The following RPS6KC1 variants were observed in gnomAD, a reference collection of about 807,000 sequenced individuals.
RPS6KC1 encodes the protein inactive ribosomal protein S6 kinase delta-1.
In RPS6KC1, 54 loss-of-function variants were observed where a neutral mutation model predicts 103.8. The observed-to-expected ratio is 0.52, with a 90% CI of 0.42 to 0.65. The LOEUF (loss-of-function observed/expected upper bound fraction) is 0.65, where lower values mean the gene tolerates loss of function less well. RPS6KC1 is among the 30% of genes least tolerant of loss of function. RPS6KC1 has a pLI of 0.00. For missense variants in RPS6KC1, 1,151 were observed against 1,253.8 expected, an observed-to-expected ratio of 0.92 and a Z score of 1.24; for synonymous variants, 439 against 438.7, an observed-to-expected ratio of 1.00 and a Z score of -0.01.
intron 14 of RPS6KC1, among the ~76,000 whole-genome samples, chr1:213,271,693 G>A (rs368874412): frequency 6.6e-6 from 1 of 151,424 alleles, no homozygotes; most frequent in East Asian, 1.9e-4. Flanking sequence ...GAACCCGGGA[G>A]GCGGAGCTTG....
intron 6 of RPS6KC1, among the ~76,000 whole-genome samples, chr1:213,149,320 C>T (rs567592130): frequency 1.6e-4 from 25 of 152,206 alleles, no homozygotes; most frequent in African/African-American, 5.3e-4. Context: ...TTGCTTTTGC[C>T]GTATCCCATA....
chr1:213,129,566 A>G lies in RPS6KC1; in HGVS notation c.512A>G (p.Asp171Gly). ...SDSDLVSLTV[D>G]VDSLAELDDG... Reference sequence around the variant, plus strand: ...AGTGATCTGGTATCTCTTACTGTTGATGTGGATTCTCTTGCTGAGTTAGAT... The same window carrying G: ...AGTGATCTGGTATCTCTTACTGTTGGTGTGGATTCTCTTGCTGAGTTAGAT... The change falls in exon 6 of 15, where the codon GAT becomes GGT. Residue 171 changes from aspartate to glycine, a missense_variant. Physicochemically the swap from Asp to Gly is moderately conservative, Grantham distance 94 (BLOSUM62 -1). Around this residue, in one of 3 missense-constraint regions of RPS6KC1, gnomAD observed 959 missense variants for 1,006.3 expected, o/e 0.95. Coordinates refer to ENST00000366960, the MANE Select transcript of RPS6KC1 (RefSeq NM_012424.6). The G allele has an allele frequency of 1.2e-6, 2 of 1,613,222 alleles. No homozygotes were observed. The highest frequency in any genetic ancestry group is 1.7e-6 in the Non-Finnish European group (2 of 1,179,426).
the RPS6KC1 span, among the ~76,000 whole-genome samples, chr1:213,374,074 G>A: frequency 6.6e-6 from 1 of 152,198 alleles, no homozygotes; most frequent in Non-Finnish European, 1.5e-5. Context: ...CATAAAGCCA[G>A]GATCTTGTAA....
the RPS6KC1 span, among the ~76,000 whole-genome samples, chr1:213,859,112 T>G: frequency 2.6e-5 from 4 of 152,292 alleles, no homozygotes; most frequent in South Asian, 8.3e-4. Context: ...CTTGGAAATA[T>G]TTTTGAAATT....
At chr1:213,581,288 T>C in the RPS6KC1 span, among the ~76,000 whole-genome samples, 1 of 152,108 alleles carries the variant, frequency 6.6e-6, no homozygotes, top group Non-Finnish European at 1.5e-5. Flanking sequence ...TCCCCCTTTT[T>C]ACTCCCCATT....
At chr1:213,357,438 G>A in the RPS6KC1 span, among the ~76,000 whole-genome samples, 3 of 152,234 alleles carry the variant, frequency 2.0e-5, no homozygotes, top group Non-Finnish European at 4.4e-5. Flanking sequence ...GCAAATTGGA[G>A]CTGGCTTCTG....
rs570614533 is a variant in RPS6KC1, at chr1:213,053,422, C to G, written c.105+1913C>G. Among the ~76,000 whole-genome samples, 18 of 152,308 alleles carry G rather than the reference C, an allele frequency of 1.2e-4. No individual in the cohort carries two copies. The South Asian group carries it at 3.5e-3, about 30-fold the overall frequency. ...CTGAAAAACATTGTTGAATGTTTTC[C>G]TCTTCATTGTACGGAGCACACCCAA... On this transcript the variant is annotated intron_variant, in intron 1 of 14. Transcript: ENST00000366960.
the RPS6KC1 span, among the ~76,000 whole-genome samples, chr1:213,612,423 G>A: frequency 9.9e-5 from 15 of 152,176 alleles, no homozygotes; most frequent in Admixed American, 7.9e-4. Flanking sequence ...TAAGAGCCGA[G>A]GGCCTGAAAT....
the RPS6KC1 span, among the ~76,000 whole-genome samples, chr1:213,469,495 A>G: frequency 6.6e-6 from 1 of 152,160 alleles, no homozygotes; most frequent in East Asian, 1.9e-4. Flanking sequence ...GGTAGGAAAG[A>G]GGTGCCCAGG....
intron 8 of RPS6KC1, among the ~76,000 whole-genome samples, chr1:213,203,093 A>T (rs190672451): frequency 2.0e-4 from 31 of 152,260 alleles, no homozygotes; most frequent in Non-Finnish European, 3.4e-4. Context: ...ACAGTGTTTT[A>T]AACTCCTACT....
At chr1:213,247,692 TTAACAG>T (rs974311876) in intron 12 of RPS6KC1, among the ~76,000 whole-genome samples, 12 of 152,162 alleles carry the variant, frequency 7.9e-5, no homozygotes, top group Non-Finnish European at 1.5e-4. Flanking sequence ...AGGCCTCAGT[TTAACAG>T]TAGTAAAATA....
At chr1:213,537,252 C>A in the RPS6KC1 span, among the ~76,000 whole-genome samples, 1 of 152,110 alleles carries the variant, frequency 6.6e-6, no homozygotes, top group Non-Finnish European at 1.5e-5. Context: ...CTCCTGAATT[C>A]CCTAGTTTGG....
At chr1:213,832,880 TACTA>T in the RPS6KC1 span, among the ~76,000 whole-genome samples, 1 of 152,188 alleles carries the variant, frequency 6.6e-6, no homozygotes, top group East Asian at 1.9e-4. Context: ...TACAGACTGC[TACTA>T]ACTGAGGCCT....
At chr1:213,734,905 TTG>T in the RPS6KC1 span, among the ~76,000 whole-genome samples, 1 of 8,414 alleles carries the variant, frequency 1.2e-4, no homozygotes, top group African/African-American at 1.0e-3. Context: ...AGTGAGTTTG[TTG>T]TTGTTGTTGT....
chr1:213,261,510 T>G (rs756988579), intron 12 of RPS6KC1, 48 bp from the exon 13 acceptor site: 2 of 1,543,214 alleles, frequency 1.3e-6, no homozygotes, highest in South Asian at 1.1e-5. Context: ...TTTTGAAAGT[T>G]TAATTGACCT....
chr1:213,400,272 C>T, the RPS6KC1 span, among the ~76,000 whole-genome samples: 7 of 151,994 alleles, frequency 4.6e-5, no homozygotes, highest in Non-Finnish European at 7.4e-5. Context: ...TACCCAGCCA[C>T]GAAACCACAT....
At chr1:213,364,339 G>A in the RPS6KC1 span, among the ~76,000 whole-genome samples, 1 of 152,212 alleles carries the variant, frequency 6.6e-6, no homozygotes, top group Non-Finnish European at 1.5e-5. Flanking sequence ...CCTAAAAGAT[G>A]AGAGTGGGGA....
the RPS6KC1 span, chr1:213,817,603 C>T: frequency 1.3e-5 from 2 of 152,314 alleles, no homozygotes; most frequent in Middle Eastern, 3.4e-3. Flanking sequence ...CTCAGTCCAA[C>T]CCTGTCTGAG....
chr1:213,415,802 A>C, the RPS6KC1 span, among the ~76,000 whole-genome samples: 3 of 152,146 alleles, frequency 2.0e-5, no homozygotes, highest in Non-Finnish European at 4.4e-5. Flanking sequence ...GCCTGTAATT[A>C]CCTCGCTTCT....
Sources: allele counts gnomAD v4.1 joint callset (sites outside exome capture counted in the v4.1 genomes callset), GRCh38; gene constraint gnomAD v4.1.1; regional missense constraint gnomAD v4.1.1; transcripts MANE v1.5; gene names NCBI Gene and HGNC (gene_info 2026-07-23, HGNC 2026-07-21).